SCAPER: variants seen among roughly 807,000 people sequenced by gnomAD.
SCAPER encodes S phase cyclin A-associated protein in the endoplasmic reticulum.
SCAPER carries 98 observed loss-of-function variants against 182.2 expected under a neutral mutation model. That is an observed-to-expected ratio of 0.54 (90% CI 0.46 to 0.64). The LOEUF (loss-of-function observed/expected upper bound fraction) is 0.64, where lower values mean the gene tolerates loss of function less well. SCAPER is among the 30% of genes least tolerant of loss of function. The pLI is 0.00. For synonymous variants in SCAPER, 605 were observed against 564.6 expected, an observed-to-expected ratio of 1.07 and a Z score of -1.01; for missense variants, 1,432 against 1,690.0, an observed-to-expected ratio of 0.85 and a Z score of 2.68.
chr15:76,857,726 G>T, intron 4 of SCAPER, 83 bp downstream of exon 4: 1 of 922,226 alleles, frequency 1.1e-6, no homozygotes, highest in Non-Finnish European at 1.6e-6. Context: ...TTCAAATCCT[G>T]CAAAATAAGA....
At chr15:76,497,123 T>TTTTTTTTTTTTTGAGACGGAG in intron 24 of SCAPER, among the ~76,000 whole-genome samples, 1 of 145,770 alleles carries the variant, frequency 6.9e-6, no homozygotes, top group African/African-American at 2.6e-5. Flanking sequence ...TTTTTTTTTT[T>TTTTTTTTTTTTTGAGACGGAG]TCCCAAAACG....
intron 23 of SCAPER, among the ~76,000 whole-genome samples, chr15:76,538,522 C>A (rs1156997107): frequency 6.6e-6 from 1 of 151,930 alleles, no homozygotes; most frequent in Non-Finnish European, 1.5e-5. Context: ...ACAATGAGAA[C>A]ACATGGACAC....
At chr15:76,710,709 C>G (rs1403860010) in intron 17 of SCAPER, among the ~76,000 whole-genome samples, 3 of 151,990 alleles carry the variant, frequency 2.0e-5, no homozygotes, top group African/African-American at 4.8e-5. Context: ...CTAAACTGAC[C>G]TATAGATTCA....
At chr15:76,847,015 A>C (rs1457994573) in intron 4 of SCAPER, among the ~76,000 whole-genome samples, 2 of 150,032 alleles carry the variant, frequency 1.3e-5, no homozygotes, top group African/African-American at 2.4e-5. Context: ...TTCAGCCATA[A>C]AAAAAAAAAT....
chr15:76,396,614 T>C (rs2044078196), intron 27 of SCAPER, among the ~76,000 whole-genome samples: 1 of 152,206 alleles, frequency 6.6e-6, no homozygotes, highest in South Asian at 2.1e-4. Context: ...GATTTCAAGA[T>C]TGTTTGTTGT....
chr15:76,415,849 A>T (rs1341018450), intron 26 of SCAPER, among the ~76,000 whole-genome samples: 4 of 152,202 alleles, frequency 2.6e-5, no homozygotes, highest in African/African-American at 7.2e-5. Flanking sequence ...AACAGGGAAA[A>T]GGTCTAAACC....
chr15:76,425,993 C>G (rs1195194712), intron 26 of SCAPER, among the ~76,000 whole-genome samples: 6 of 152,190 alleles, frequency 3.9e-5, no homozygotes, highest in Non-Finnish European at 8.8e-5. Flanking sequence ...CAGAGAGGTA[C>G]CCGGCTGTGT....
intron 1 of SCAPER, among the ~76,000 whole-genome samples, chr15:76,891,496 A>G (rs182307242): frequency 6.6e-6 from 1 of 152,230 alleles, no homozygotes; most frequent in African/African-American, 2.4e-5. Flanking sequence ...ATCAATATGC[A>G]AAAATTGCAC....
At chr15:76,561,712 C>G (rs2046637249) in intron 23 of SCAPER, among the ~76,000 whole-genome samples, 1 of 150,370 alleles carries the variant, frequency 6.7e-6, no homozygotes, top group East Asian at 1.9e-4. Flanking sequence ...AAGTCTCTAC[C>G]TCACTTTTTT....
intron 24 of SCAPER, among the ~76,000 whole-genome samples, chr15:76,474,021 G>A (rs1389039335): frequency 6.6e-6 from 1 of 152,038 alleles, no homozygotes; most frequent in Non-Finnish European, 1.5e-5. Flanking sequence ...TTGTTGGCCA[G>A]GCTGGTCTCG....
chr15:76,399,130 A>C (rs2044280939), intron 27 of SCAPER, among the ~76,000 whole-genome samples: 1 of 152,130 alleles, frequency 6.6e-6, no homozygotes, highest in African/African-American at 2.4e-5. Flanking sequence ...AGTAAAGGCC[A>C]AAGAAATAGG....
At chr15:76,605,419 G>C (rs1354383231) in intron 22 of SCAPER, among the ~76,000 whole-genome samples, 2 of 152,162 alleles carry the variant, frequency 1.3e-5, no homozygotes, top group East Asian at 3.8e-4. Flanking sequence ...GCTGGATTCG[G>C]TTTGCCAGTA....
chr15:76,482,036 G>A (rs1429875536), intron 24 of SCAPER, among the ~76,000 whole-genome samples: 1 of 152,014 alleles, frequency 6.6e-6, no homozygotes, highest in Non-Finnish European at 1.5e-5. Context: ...AGGTGGTGGA[G>A]TTCTTTAATC....
intron 21 of SCAPER, among the ~76,000 whole-genome samples, chr15:76,648,705 T>A (rs556677922): frequency 5.9e-5 from 9 of 152,366 alleles, no homozygotes; most frequent in Admixed American, 3.3e-4. Flanking sequence ...CAAAATCATT[T>A]ACTTTCTAAG....
chr15:76,516,164 A>G (rs1232005065), intron 23 of SCAPER, among the ~76,000 whole-genome samples: 3 of 149,980 alleles, frequency 2.0e-5, no homozygotes, highest in Non-Finnish European at 4.4e-5. Context: ...GTGACCCAGA[A>G]CTCAGAACTT....
intron 20 of SCAPER, among the ~76,000 whole-genome samples, chr15:76,695,565 C>T (rs923741997): frequency 6.6e-6 from 1 of 150,984 alleles, no homozygotes; most frequent in South Asian, 2.1e-4. Flanking sequence ...CCAATGCACT[C>T]CAGCCTGGAT....
chr15:76,479,018 G>A (rs1460030821), intron 24 of SCAPER, among the ~76,000 whole-genome samples: 9 of 151,976 alleles, frequency 5.9e-5, no homozygotes, highest in Admixed American at 5.2e-4. Context: ...AACAACACAC[G>A]GTATGGGACT....
intron 26 of SCAPER, among the ~76,000 whole-genome samples, chr15:76,407,405 G>A (rs1033102560): frequency 6.6e-6 from 1 of 152,186 alleles, no homozygotes; most frequent in Non-Finnish European, 1.5e-5. Context: ...AAGTCATTAT[G>A]CAGTGCATTA....
At chr15:76,815,233 T>C (rs550536572) in intron 5 of SCAPER, among the ~76,000 whole-genome samples, 73 of 152,250 alleles carry the variant, frequency 4.8e-4, no homozygotes, top group African/African-American at 1.8e-3. Flanking sequence ...ACAACTACCA[T>C]ATGACCCAAA....
Sources: gnomAD v4.1 joint callset for allele counts (sites outside exome capture counted in the v4.1 genomes callset) on GRCh38, gnomAD v4.1.1 for gene constraint, MANE v1.5 for transcripts, NCBI Gene and HGNC (gene_info 2026-07-23, HGNC 2026-07-21) for gene names.